ARMC8: variants seen among roughly 807,000 people sequenced by gnomAD.
The protein encoded by ARMC8 is armadillo repeat-containing protein 8.
A neutral mutation model predicts 99.3 loss-of-function variants in ARMC8; 20 were observed. The observed-to-expected ratio is 0.20, with a 90% confidence interval of 0.14 to 0.29. The LOEUF (loss-of-function observed/expected upper bound fraction) is 0.29. Among genes scored for constraint, ARMC8 ranks in the 10% least tolerant of loss-of-function variants. The probability of loss-of-function intolerance (pLI) is 1.00; values close to 1 mark genes in which losing one functional copy is unlikely to be tolerated. For missense variants in ARMC8, 569 were observed against 809.5 expected, an observed-to-expected ratio of 0.70 and a Z score of 3.60; for synonymous variants, 263 against 278.3, an observed-to-expected ratio of 0.95 and a Z score of 0.55.
At chr3:138,225,400 T>A (rs1027481745) in intron 5 of ARMC8, among the ~76,000 whole-genome samples, 3 of 152,198 alleles carry the variant, frequency 2.0e-5, no homozygotes, top group Non-Finnish European at 2.9e-5. Context: ...TGTGAGCCAC[T>A]GCGCCCGGCC....
chr3:138,239,780 G>A (rs562237074), intron 10 of ARMC8, among the ~76,000 whole-genome samples: 1 of 152,244 alleles, frequency 6.6e-6, no homozygotes, highest in Admixed American at 6.5e-5. Flanking sequence ...TGGTAATTAG[G>A]AGGATGTGGA....
At chr3:138,285,645 A>T (rs1376625984) in intron 19 of ARMC8, among the ~76,000 whole-genome samples, 1 of 152,112 alleles carries the variant, frequency 6.6e-6, no homozygotes, top group Non-Finnish European at 1.5e-5. Flanking sequence ...CCTTCAGAGC[A>T]CTTAGCTCAG....
chr3:138,201,436 C>CCTTTTTTTTTTT (rs2044064743), intron 1 of ARMC8, among the ~76,000 whole-genome samples: 1 of 64,932 alleles, frequency 1.5e-5, no homozygotes, highest in Non-Finnish European at 3.4e-5. Context: ...CTTCCCCTCC[C>CCTTTTTTTTTTT]TTTTTTTTTT....
At chr3:138,244,579 C>T (rs2046794120) in intron 11 of ARMC8, among the ~76,000 whole-genome samples, 1 of 152,118 alleles carries the variant, frequency 6.6e-6, no homozygotes, top group South Asian at 2.1e-4. Flanking sequence ...CGCCCGGCCT[C>T]TAAAAGCTTT....
In ARMC8 at chr3:138,267,210, ATCT is replaced by A. The variant is rs1337457501; in HGVS notation, c.1363_1365del (p.Leu455del). 10 of 1,579,978 alleles carry A rather than the reference ATCT, an allele frequency of 6.3e-6. No homozygotes were observed. The highest frequency in any genetic ancestry group is 1.8e-5 in the Admixed American group (1 of 54,406). ...GTGGTAGCATCTTCCATGCTGTGTAATCTTCTTCTTGAATTTTCTCCAAGCAAA... is the reference window on the plus strand; with the variant it reads ...GTGGTAGCATCTTCCATGCTGTGTAATCTTCTTGAATTTTCTCCAAGCAAA... On this transcript the variant is annotated inframe_deletion, in exon 15 of 22. Coordinates refer to ENST00000469044, the MANE Select transcript of ARMC8 (RefSeq NM_001363941.2).
At chr3:138,239,596 C>G (rs6778511) in intron 10 of ARMC8, 68 bp downstream of exon 10, 1 of 954,736 alleles carries the variant, frequency 1.0e-6, no homozygotes. Context: ...AGTATTGATA[C>G]TCATATTTCA....
chr3:138,204,003 A>G (rs1215253269), intron 1 of ARMC8, among the ~76,000 whole-genome samples: 1 of 152,124 alleles, frequency 6.6e-6, no homozygotes, highest in Non-Finnish European at 1.5e-5. Context: ...TGGCCCATTC[A>G]GTGTCTTATT....
intron 2 of ARMC8, 22 bp from the exon 3 acceptor site, chr3:138,221,899 CTTTAT>C: frequency 6.4e-7 from 1 of 1,568,188 alleles, no homozygotes; most frequent in Non-Finnish European, 8.8e-7. Context: ...TCTCAACATA[CTTTAT>C]TTTTTCTTCC....
intron 19 of ARMC8, 75 bp from the exon 20 acceptor site, chr3:138,288,973 G>A (rs1231833450): frequency 1.1e-5 from 14 of 1,233,874 alleles, no homozygotes; most frequent in South Asian, 7.9e-5. Context: ...ATTGGCTATG[G>A]TAGGTCCCCC....
intron 10 of ARMC8, among the ~76,000 whole-genome samples, chr3:138,240,004 C>G (rs1183761711): frequency 3.9e-5 from 6 of 152,068 alleles, no homozygotes; most frequent in Non-Finnish European, 1.5e-5. Context: ...ATGTCATATA[C>G]AACTTGAATT....
At chr3:138,249,696 CTGAT>C (rs1447194024) in intron 12 of ARMC8, among the ~76,000 whole-genome samples, 2 of 152,022 alleles carry the variant, frequency 1.3e-5, no homozygotes, top group Non-Finnish European at 2.9e-5. Context: ...TCTGCATAGA[CTGAT>C]TGAACTACCT....
At chr3:138,276,498 T>TTGGAAAGG (rs1299588837) in intron 18 of ARMC8, among the ~76,000 whole-genome samples, 4 of 152,118 alleles carry the variant, frequency 2.6e-5, no homozygotes, top group Non-Finnish European at 5.9e-5. Flanking sequence ...ATAAGAGGTA[T>TTGGAAAGG]ACAGATTGGA....
intron 1 of ARMC8, among the ~76,000 whole-genome samples, chr3:138,189,305 G>C (rs1234052294): frequency 6.6e-6 from 1 of 151,094 alleles, no homozygotes; most frequent in Non-Finnish European, 1.5e-5. Flanking sequence ...TAAAAAAAAA[G>C]GATTTCCGTA....
intron 1 of ARMC8, among the ~76,000 whole-genome samples, chr3:138,193,401 C>T (rs2043507629): frequency 6.6e-6 from 1 of 152,174 alleles, no homozygotes; most frequent in African/African-American, 2.4e-5. Flanking sequence ...GCTCAGATTA[C>T]AGGCGTGTGC....
At chr3:138,227,097 T>C (rs1370103740) in intron 5 of ARMC8, among the ~76,000 whole-genome samples, 1 of 152,190 alleles carries the variant, frequency 6.6e-6, no homozygotes, top group Non-Finnish European at 1.5e-5. Flanking sequence ...GGGTAGGTAG[T>C]CCAGTAAAAA....
At chr3:138,212,938 T>C (rs545256932) in intron 2 of ARMC8, among the ~76,000 whole-genome samples, 2 of 152,348 alleles carry the variant, frequency 1.3e-5, no homozygotes, top group South Asian at 4.1e-4. Flanking sequence ...TTTATCATTT[T>C]TCTGGCTCTT....
chr3:138,249,250 A>G (rs531429847), intron 12 of ARMC8, among the ~76,000 whole-genome samples: 2 of 152,240 alleles, frequency 1.3e-5, no homozygotes, highest in South Asian at 4.2e-4. Flanking sequence ...GTGTGTAAAG[A>G]CAGGAAATTT....
chr3:138,247,207 T>C (rs1026216291), intron 12 of ARMC8, among the ~76,000 whole-genome samples: 1 of 152,230 alleles, frequency 6.6e-6, no homozygotes, highest in Admixed American at 6.5e-5. Flanking sequence ...TTTATTTACT[T>C]TCTCCATGAA....
chr3:138,283,051 A>G (rs769520436), intron 18 of ARMC8, among the ~76,000 whole-genome samples: 30 of 152,180 alleles, frequency 2.0e-4, no homozygotes, highest in African/African-American at 5.6e-4. Context: ...AACATGATCT[A>G]ACTGCCCTGG....
Sources: gnomAD v4.1 joint callset for allele counts (sites outside exome capture counted in the v4.1 genomes callset) on GRCh38, gnomAD v4.1.1 for gene constraint, MANE v1.5 for transcripts, NCBI Gene and HGNC (gene_info 2026-07-23, HGNC 2026-07-21) for gene names.